Variants in CSMD1 observed in about 807,000 individuals in gnomAD.
The protein encoded by CSMD1 is CUB and sushi domain-containing protein 1.
CSMD1 carries 213 observed loss-of-function variants against 417.5 expected under a neutral mutation model. The ratio of observed to expected loss-of-function variants is 0.51; its 90% CI spans 0.46 to 0.57. The LOEUF is 0.57. Among genes scored for constraint, CSMD1 ranks in the 20% least tolerant of loss-of-function variants. CSMD1 has a pLI of 0.00. For missense variants in CSMD1, 6,923 were observed against 4,529.7 expected (o/e 1.53, Z -15.17); for synonymous variants, 2,862 against 1,736.8 (o/e 1.65, Z -16.11).
At chr8:4,257,386 T>G (rs1003162165) in intron 3 of CSMD1, among the ~76,000 whole-genome samples, 1 of 151,964 alleles carries the variant, frequency 6.6e-6, no homozygotes, top group African/African-American at 2.4e-5. Flanking sequence ...TATATTACCA[T>G]TTTTCTTCAT....
At chr8:4,789,612 G>A (rs12675806) in intron 1 of CSMD1, among the ~76,000 whole-genome samples, 10,632 of 152,126 alleles carry the variant, frequency 0.07, 462 homozygotes, top group East Asian at 0.22. Context: ...TCTCACTCCA[G>A]TGTGGGGAAG....
intron 12 of CSMD1, among the ~76,000 whole-genome samples, chr8:3,462,050 T>G (rs987123614): frequency 2.0e-5 from 3 of 152,080 alleles, no homozygotes; most frequent in Admixed American, 6.5e-5. Context: ...AGATGGAGAA[T>G]ACTGACCAGT....
chr8:3,740,792 A>C (rs891974205), intron 6 of CSMD1, among the ~76,000 whole-genome samples: 3 of 152,240 alleles, frequency 2.0e-5, no homozygotes, highest in Non-Finnish European at 4.4e-5. Context: ...CACTGTGTTT[A>C]CCTTGAGCAT....
At chr8:4,588,077 G>C (rs551407939) in intron 2 of CSMD1, among the ~76,000 whole-genome samples, 2 of 152,102 alleles carry the variant, frequency 1.3e-5, no homozygotes, top group Non-Finnish European at 2.9e-5. Flanking sequence ...TCTAATACAT[G>C]TTCAGTATTC....
At chr8:3,266,683 G>C (rs948367665) in intron 26 of CSMD1, among the ~76,000 whole-genome samples, 2 of 150,702 alleles carry the variant, frequency 1.3e-5, no homozygotes, top group African/African-American at 4.9e-5. Context: ...GCTAAGGCAG[G>C]AGAACCGCTT....
chr8:3,687,184 T>C (rs923925146), intron 7 of CSMD1, among the ~76,000 whole-genome samples: 2 of 152,234 alleles, frequency 1.3e-5, no homozygotes, highest in African/African-American at 2.4e-5. Context: ...GTGCAGCTCA[T>C]AGGAAGGCAA....
intron 2 of CSMD1, among the ~76,000 whole-genome samples, chr8:4,628,268 T>A (rs898967452): frequency 6.6e-6 from 1 of 151,404 alleles, no homozygotes; most frequent in Non-Finnish European, 1.5e-5. Flanking sequence ...CTTTCATACC[T>A]CTTGTAAATA....
At chr8:3,456,400 C>G (rs189192759) in intron 12 of CSMD1, among the ~76,000 whole-genome samples, 8 of 152,282 alleles carry the variant, frequency 5.3e-5, no homozygotes, top group Admixed American at 5.2e-4. Flanking sequence ...ACGCTGGGAG[C>G]TGTAGACTGG....
At chr8:3,774,082 C>G (rs781162599) in intron 5 of CSMD1, among the ~76,000 whole-genome samples, 8 of 152,148 alleles carry the variant, frequency 5.3e-5, no homozygotes, top group Non-Finnish European at 4.4e-5. Context: ...CTGAGTCATG[C>G]AGCTTCTTGT....
intron 10 of CSMD1, among the ~76,000 whole-genome samples, chr8:3,506,759 G>C (rs554418110): frequency 1.3e-5 from 2 of 152,246 alleles, no homozygotes; most frequent in Non-Finnish European, 1.5e-5. Flanking sequence ...AATTCAACAA[G>C]GTTGCTCATG....
At chr8:3,665,941 G>A (rs565727625) in intron 7 of CSMD1, among the ~76,000 whole-genome samples, 4 of 152,018 alleles carry the variant, frequency 2.6e-5, no homozygotes, top group Admixed American at 2.6e-4. Flanking sequence ...GCAGTGGAGT[G>A]GCCTCAGCTC....
At chr8:3,299,979 TTCA>T (rs2117332763) in intron 25 of CSMD1, among the ~76,000 whole-genome samples, 1 of 152,204 alleles carries the variant, frequency 6.6e-6, no homozygotes, top group South Asian at 2.1e-4. Flanking sequence ...GCTCTAGAAA[TTCA>T]TCATGAAAAG....
chr8:3,077,840 G>A (rs1020810812), intron 49 of CSMD1, among the ~76,000 whole-genome samples: 1 of 152,222 alleles, frequency 6.6e-6, no homozygotes, highest in Non-Finnish European at 1.5e-5. Context: ...GTGTCAGCTG[G>A]TATCTTAAAC....
At chr8:3,763,561 G>T (rs994895534) in intron 5 of CSMD1, among the ~76,000 whole-genome samples, 7 of 152,112 alleles carry the variant, frequency 4.6e-5, no homozygotes, top group African/African-American at 1.7e-4. Flanking sequence ...AAGCCAAGCA[G>T]GTGCTAGCCC....
chr8:3,098,081 A>G lies in CSMD1; in HGVS notation c.6950-1044T>C, dbSNP rs531282648. ...CTCCTAATTAGTAATTTCTCTCATCACTGAATTATCTTCCAGAAACAGTTT... is the reference window on the plus strand; with the variant it reads ...CTCCTAATTAGTAATTTCTCTCATCGCTGAATTATCTTCCAGAAACAGTTT... On this transcript the variant is annotated intron_variant, in intron 46 of 69. Coordinates refer to ENST00000635120, the MANE Select transcript of CSMD1 (RefSeq NM_033225.6). Among the ~76,000 whole-genome samples, 19 of 152,348 alleles carry G rather than the reference A, an allele frequency of 1.2e-4. No individual in the cohort carries two copies. The South Asian group carries it at 3.7e-3, about 30-fold the overall frequency.
intron 3 of CSMD1, among the ~76,000 whole-genome samples, chr8:4,155,492 G>A (rs565855790): frequency 6.6e-6 from 1 of 152,150 alleles, no homozygotes; most frequent in African/African-American, 2.4e-5. Flanking sequence ...TTAAACAAGG[G>A]AAAGTATCGT....
chr8:4,645,149 A>G (rs916999710), intron 1 of CSMD1, among the ~76,000 whole-genome samples: 4 of 152,126 alleles, frequency 2.6e-5, no homozygotes, highest in African/African-American at 9.7e-5. Context: ...ATGGGAAGCT[A>G]ATTTTTCTCC....
chr8:4,806,083 A>G (rs970514964), intron 1 of CSMD1, among the ~76,000 whole-genome samples: 14 of 152,200 alleles, frequency 9.2e-5, no homozygotes, highest in African/African-American at 2.2e-4. Context: ...ACAGACCCAC[A>G]ATCTCTAATT....
intron 10 of CSMD1, among the ~76,000 whole-genome samples, chr8:3,555,478 G>C (rs1393999251): frequency 1.3e-5 from 2 of 152,166 alleles, no homozygotes; most frequent in Non-Finnish European, 2.9e-5. Context: ...GAGGTGAAGT[G>C]GGATGCTGAC....
Sources: gnomAD v4.1 joint callset for allele counts (sites outside exome capture counted in the v4.1 genomes callset) on GRCh38, gnomAD v4.1.1 for gene constraint, MANE v1.5 for transcripts, NCBI Gene and HGNC (gene_info 2026-07-23, HGNC 2026-07-21) for gene names.